The following ABHD12 variants were observed in gnomAD, a reference collection of about 807,000 sequenced individuals.
ABHD12 encodes abhydrolase domain containing 12, lysophospholipase.
In ABHD12, 43 loss-of-function variants were observed where a neutral mutation model predicts 58.3. The observed-to-expected ratio is 0.74, with a 90% CI of 0.58 to 0.95. The LOEUF (loss-of-function observed/expected upper bound fraction) is 0.95, where lower values mean the gene tolerates loss of function less well. Among genes scored for constraint, ABHD12 ranks in the 40% least tolerant of loss-of-function variants. The pLI is 0.00. For synonymous variants in ABHD12, 219 were observed against 211.2 expected (o/e 1.04, Z -0.32); for missense variants, 539 against 537.2 (o/e 1.00, Z -0.03).
chr20:25,296,017 G>A (rs774798492), downstream of ABHD12, among the ~76,000 whole-genome samples: 1 of 152,206 alleles, frequency 6.6e-6, no homozygotes, highest in South Asian at 2.1e-4. Flanking sequence ...CAGCTGTGAG[G>A]CTCCCTGGTG....
In ABHD12 at chr20:25,349,135, G is replaced by C. The variant is rs1367349777; in HGVS notation, c.192-9784C>G. Among the ~76,000 whole-genome samples the C allele has an allele frequency of 4.0e-5, 6 of 151,740 alleles. No individual in the cohort carries two copies. In the South Asian group the frequency reaches 1.2e-3, roughly 31 times the overall value. On this transcript the variant is annotated intron_variant, in intron 1 of 12. Coordinates refer to ENST00000339157, the MANE Select transcript of ABHD12 (RefSeq NM_001042472.3). Reference sequence around the variant, plus strand: ...AACAGATATTGTATCATACAATCTGGCAAAACGGGGAAAATAAGAGAGCAC... The same window carrying C: ...AACAGATATTGTATCATACAATCTGCCAAAACGGGGAAAATAAGAGAGCAC...
Position 25,385,108 on chromosome 20 carries a change from C to T in ABHD12, c.191+5405G>A, listed in dbSNP as rs762193370. Among the ~76,000 whole-genome samples, 3 of 152,018 alleles carry T rather than the reference C, an allele frequency of 2.0e-5. No individual in the cohort carries two copies. In the East Asian group the frequency reaches 5.8e-4, roughly 29 times the overall value. ...ATCCCAACACTTTGGGAGGCCAAGG[C>T]GGGTGGAACATCTGAGGTTGGGAGT... is the stretch of plus-strand genomic sequence containing the variant. On this transcript the variant is annotated intron_variant, in intron 1 of 12. Transcript: ENST00000339157.
exon 13 of ABHD12, chr20:25,294,803 TAG>T: frequency 2.7e-6 from 2 of 732,530 alleles, no homozygotes; most frequent in Non-Finnish European, 5.0e-6. Flanking sequence ...ATGGTTTATC[TAG>T]AGTTACAGAC....
At chr20:25,325,097 T>C (rs1264112129) in intron 2 of ABHD12, among the ~76,000 whole-genome samples, 4 of 150,490 alleles carry the variant, frequency 2.7e-5, no homozygotes, top group Non-Finnish European at 5.9e-5. Context: ...TCCCAGCCAC[T>C]TGTGAGGCTG....
In ABHD12 at chr20:25,320,207, TGCGTTCCCATGCAG is replaced by T. The variant is rs767790462; in HGVS notation, c.520_533del (p.Leu174ArgfsTer26). ...GGGCTCCTCTCCCTCACCTGGTACC[TGCGTTCCCATGCAG>T]GTACAGAATGATAGGGTGGCTGGAA... On this transcript the variant is annotated frameshift_variant, in exon 4 of 13. Coordinates refer to ENST00000339157, the MANE Select transcript of ABHD12 (RefSeq NM_001042472.3). LOFTEE classifies it high-confidence loss of function. 6.2e-7 allele frequency: 1 copy of T among 1,613,892 alleles called. No homozygotes were observed. The highest frequency in any genetic ancestry group is 8.5e-7 in the Non-Finnish European group (1 of 1,179,962).
chr20:25,303,603 G>C lies in ABHD12; in HGVS notation c.976C>G (p.Leu326Val). Residue 326 changes from leucine (L) to valine (V), a missense_variant, in exon 11 of 13, where the codon CTC becomes GTC. Transcript: ENST00000339157. Reference sequence around the variant, plus strand: ...GGGTCGTCCTCAGCGTGCAGGATGAGCAGGGGACAGGAGATGTGCTTCACG... The same window carrying C: ...GGGTCGTCCTCAGCGTGCAGGATGACCAGGGGACAGGAGATGTGCTTCACG... ...ENVKHISCPL[L>V]ILHAEDDPVV... The C allele has an allele frequency of 1.2e-6, 2 of 1,613,882 alleles. No individual in the cohort carries two copies. Among genetic ancestry groups the C allele is most frequent in the Non-Finnish European group, 1.7e-6 (2 of 1,179,998 alleles).
intron 1 of ABHD12, among the ~76,000 whole-genome samples, chr20:25,340,429 A>G (rs771325411): frequency 3.2e-4 from 49 of 152,366 alleles, no homozygotes; most frequent in Non-Finnish European, 5.4e-4. Flanking sequence ...GTGAATCCAC[A>G]TATCATGTGT....
chr20:25,299,419 G>A (rs371404513), downstream of ABHD12, among the ~76,000 whole-genome samples: 1 of 152,084 alleles, frequency 6.6e-6, no homozygotes, highest in African/African-American at 2.4e-5. Flanking sequence ...AAACCCACCA[G>A]GAGCTTGTAT....
At chr20:25,301,135 A>G (rs1425689159) in intron 12 of ABHD12, among the ~76,000 whole-genome samples, 2 of 152,204 alleles carry the variant, frequency 1.3e-5, no homozygotes, top group Non-Finnish European at 2.9e-5. Context: ...TCAACTTCAG[A>G]GCTATTCTCT....
At chr20:25,333,994 A>G (rs1383598668) in intron 2 of ABHD12, among the ~76,000 whole-genome samples, 1 of 152,200 alleles carries the variant, frequency 6.6e-6, no homozygotes, top group African/African-American at 2.4e-5. Flanking sequence ...AGGGTATTCA[A>G]TTAGGAAAAG....
At chr20:25,310,958 C>T (rs1195594708) in intron 6 of ABHD12, among the ~76,000 whole-genome samples, 7 of 152,228 alleles carry the variant, frequency 4.6e-5, no homozygotes, top group Non-Finnish European at 1.5e-5. Flanking sequence ...GCCACTCATT[C>T]TCCCTCTCCT....
intron 1 of ABHD12, among the ~76,000 whole-genome samples, chr20:25,346,449 C>G (rs539083514): frequency 6.6e-6 from 1 of 152,138 alleles, no homozygotes; most frequent in East Asian, 1.9e-4. Context: ...AGAGTGAACC[C>G]TACTTAATGC....
In ABHD12 at chr20:25,305,472, C is replaced by T. The variant is rs193137558; in HGVS notation, c.950+1361G>A. 5.3e-5 allele frequency among the ~76,000 whole-genome samples: 8 copies of T among 151,880 alleles called. No individual in the cohort carries two copies. In the East Asian group the frequency reaches 1.2e-3, roughly 22 times the overall value. On this transcript the variant is annotated intron_variant, in intron 10 of 12. Coordinates refer to ENST00000339157, the MANE Select transcript of ABHD12 (RefSeq NM_001042472.3). The stretch of plus-strand genomic sequence containing the variant: ...CTGCCTCCCGGGTTCAAGCGATTCT[C>T]CTGCCTCAGCCTCCTGATTAGCTGG...
intron 1 of ABHD12, among the ~76,000 whole-genome samples, chr20:25,379,234 A>G (rs1323749435): frequency 6.6e-6 from 1 of 152,214 alleles, no homozygotes; most frequent in Non-Finnish European, 1.5e-5. Flanking sequence ...TCGTGACTGA[A>G]ATGACTTCCC....
At chr20:25,308,375 C>T (rs1395208898) in intron 8 of ABHD12, 82 bp downstream of exon 8, 40 of 1,530,086 alleles carry the variant, frequency 2.6e-5, no homozygotes, top group East Asian at 1.4e-4. Context: ...TCCATGAGGA[C>T]GCTGAGCACT....
At chr20:25,315,021 T>A (rs750215221) in intron 5 of ABHD12, 51 bp from the exon 6 acceptor site, 5 of 1,597,248 alleles carry the variant, frequency 3.1e-6, no homozygotes, top group Non-Finnish European at 4.3e-6. Context: ...GCATCTGTAT[T>A]GAGGGCAGCT....
intron 1 of ABHD12, among the ~76,000 whole-genome samples, chr20:25,384,626 T>C (rs1378136900): frequency 6.6e-6 from 1 of 152,046 alleles, no homozygotes; most frequent in Non-Finnish European, 1.5e-5. Flanking sequence ...GTGCCTGTAG[T>C]CCCAGCTACT....
chr20:25,345,843 AACATGGT>A (rs1426584428), intron 1 of ABHD12, among the ~76,000 whole-genome samples: 1 of 152,196 alleles, frequency 6.6e-6, no homozygotes, highest in Non-Finnish European at 1.5e-5. Flanking sequence ...TGGGAATGCA[AACATGGT>A]ACACAGACAC....
intron 5 of ABHD12, among the ~76,000 whole-genome samples, chr20:25,315,285 G>A (rs763740030): frequency 6.6e-6 from 1 of 151,986 alleles, no homozygotes; most frequent in Non-Finnish European, 1.5e-5. Flanking sequence ...CCTCTGGGGC[G>A]GCCTCCTCTG....
Sources: allele counts gnomAD v4.1 joint callset (sites outside exome capture counted in the v4.1 genomes callset), GRCh38; gene constraint gnomAD v4.1.1; transcripts MANE v1.5; gene names NCBI Gene and HGNC (gene_info 2026-07-23, HGNC 2026-07-21).